The following MDM1 variants were observed in gnomAD, a reference collection of about 807,000 sequenced individuals.
MDM1 encodes the protein Mdm1 nuclear protein.
Under a neutral mutation model 89.1 loss-of-function variants are expected in MDM1, and 61 were observed. The observed-to-expected ratio is 0.68, with a 90% confidence interval of 0.56 to 0.85. The LOEUF (loss-of-function observed/expected upper bound fraction) is 0.85, where lower values mean the gene tolerates loss of function less well. Among genes scored for constraint, MDM1 ranks in the 40% least tolerant of loss-of-function variants. The pLI is 0.00. For synonymous variants in MDM1, 290 were observed against 294.1 expected, an observed-to-expected ratio of 0.99 and a Z score of 0.14; for missense variants, 820 against 846.5, an observed-to-expected ratio of 0.97 and a Z score of 0.39.
intron 13 of MDM1, among the ~76,000 whole-genome samples, chr12:68,297,576 C>T (rs79520159): frequency 1.3e-5 from 2 of 152,126 alleles, no homozygotes; most frequent in Non-Finnish European, 2.9e-5. Flanking sequence ...CAGGAAGCTG[C>T]CTAAATATGT....
chr12:68,314,575 T>C (rs897048000), intron 10 of MDM1, among the ~76,000 whole-genome samples: 1 of 152,250 alleles, frequency 6.6e-6, no homozygotes, highest in Non-Finnish European at 1.5e-5. Flanking sequence ...TAAAAAATAT[T>C]ATAAAACATT....
In MDM1 at chr12:68,295,216, T is replaced by C; in HGVS notation, c.*38A>G. 3 of 1,362,168 alleles carry C rather than the reference T, an allele frequency of 2.2e-6. 1 individual carries two copies. In the East Asian group the frequency reaches 7.0e-5, roughly 32 times the overall value. The allele number at this position is 1,362,168 out of a possible 1,614,324, so 84.4% of individuals were successfully genotyped here. On this transcript the variant is annotated 3_prime_UTR_variant, in exon 15 of 15. Coordinates refer to ENST00000682720, the MANE Select transcript of MDM1 (RefSeq NM_001354969.2). ...CACAGTAAGCAATAAAGAAAAATTATGCCAATGTTTCCTTAGATAAAGGCA... is the reference window on the plus strand; with the variant it reads ...CACAGTAAGCAATAAAGAAAAATTACGCCAATGTTTCCTTAGATAAAGGCA...
At chr12:68,311,340 A>G (rs1873654024) in intron 12 of MDM1, among the ~76,000 whole-genome samples, 1 of 151,168 alleles carries the variant, frequency 6.6e-6, no homozygotes, top group African/African-American at 2.4e-5. Flanking sequence ...TGGCCCACTC[A>G]CTCTCCCACT....
At chr12:68,329,029 T>C (rs1215902742) in intron 2 of MDM1, among the ~76,000 whole-genome samples, 1 of 152,210 alleles carries the variant, frequency 6.6e-6, no homozygotes, top group Admixed American at 6.5e-5. Flanking sequence ...AGCTGAAATG[T>C]TATTGGACAA....
chr12:68,302,857 C>T lies in MDM1; in HGVS notation c.1765G>A (p.Val589Ile). The T allele has an allele frequency of 7.5e-7, 1 of 1,329,950 alleles. No individual in the cohort carries two copies. The highest frequency in any genetic ancestry group is 1.5e-5 in the South Asian group (1 of 67,016). 82.4% of individuals were successfully genotyped at this position (1,329,950 alleles called of 1,614,324 possible). A position where few individuals can be genotyped will look rare whatever the true frequency, so the allele number is the denominator to read the frequency against. Residue 589 changes from valine (V) to isoleucine (I), a missense_variant, in exon 13 of 15, where the codon GTA (valine) becomes ATA (isoleucine). Coordinates refer to ENST00000682720, the MANE Select transcript of MDM1 (RefSeq NM_001354969.2). ...GCAGCTGGAGAAGTCAGTAGGGATA[C>T]AGCACGACTTTCTTTCTAAATGACA... ...NDFTKKESRA[V>I]SLLTSPAAGI...
At chr12:68,301,578 C>T (rs1209916898) in intron 13 of MDM1, among the ~76,000 whole-genome samples, 2 of 151,934 alleles carry the variant, frequency 1.3e-5, no homozygotes, top group Non-Finnish European at 2.9e-5. Flanking sequence ...ACTACCTGTA[C>T]CCCAAAAGCT....
At chr12:68,299,328 T>C (rs982414658) in intron 13 of MDM1, among the ~76,000 whole-genome samples, 1 of 151,478 alleles carries the variant, frequency 6.6e-6, no homozygotes, top group Non-Finnish European at 1.5e-5. Context: ...ATTCAGAAGG[T>C]TGATGATTAA....
intron 5 of MDM1, among the ~76,000 whole-genome samples, 190 bp downstream of exon 5, chr12:68,322,883 T>C (rs1374231050): frequency 6.6e-6 from 1 of 152,212 alleles, no homozygotes; most frequent in Non-Finnish European, 1.5e-5. Flanking sequence ...TTGGGGCTAT[T>C]TGCCAGCCTT....
chr12:68,313,328 A>G, intron 12 of MDM1, 115 bp downstream of exon 12: 1 of 748,062 alleles, frequency 1.3e-6, no homozygotes, highest in Non-Finnish European at 2.2e-6. Context: ...TAACAGTATC[A>G]TCTCCTCATA....
chr12:68,306,414 T>A (rs529963081), intron 12 of MDM1, among the ~76,000 whole-genome samples: 1 of 151,796 alleles, frequency 6.6e-6, no homozygotes, highest in Non-Finnish European at 1.5e-5. Context: ...AATTGACAAT[T>A]GGGACTTTTG....
At chr12:68,323,911 A>T (rs766641225) in intron 4 of MDM1, among the ~76,000 whole-genome samples, 3 of 152,186 alleles carry the variant, frequency 2.0e-5, no homozygotes, top group Non-Finnish European at 4.4e-5. Context: ...TATAACCTCA[A>T]GGACTTTACT....
intron 7 of MDM1, among the ~76,000 whole-genome samples, chr12:68,316,964 G>C (rs1333604788): frequency 1.3e-5 from 2 of 152,086 alleles, no homozygotes; most frequent in East Asian, 3.9e-4. Context: ...CCCTCACTGG[G>C]AGATGAATGA....
intron 7 of MDM1, among the ~76,000 whole-genome samples, chr12:68,320,721 T>C (rs1357028155): frequency 2.0e-5 from 3 of 152,210 alleles, no homozygotes; most frequent in Non-Finnish European, 4.4e-5. Flanking sequence ...CAAAAAAAAG[T>C]CAAGATATGA....
At chr12:68,317,628 G>C (rs1469306181) in intron 7 of MDM1, among the ~76,000 whole-genome samples, 10 of 151,954 alleles carry the variant, frequency 6.6e-5, no homozygotes, top group Admixed American at 6.6e-4. Context: ...AGGATAATTT[G>C]AAATATTTTC....
chr12:68,305,211 C>T (rs1284135662), intron 12 of MDM1, among the ~76,000 whole-genome samples: 1 of 152,108 alleles, frequency 6.6e-6, no homozygotes, highest in Admixed American at 6.6e-5. Context: ...TGATAAAGTC[C>T]AATATCCCTT....
rs1211699232 is a variant in MDM1, at chr12:68,315,241, CAA to C, written c.1234_1235del (p.Leu412AlafsTer37). On this transcript the variant is annotated frameshift_variant, in exon 10 of 15. Transcript: ENST00000682720. LOFTEE classifies it high-confidence loss of function. ...LAGDPTSHKT[L>X]QKCPSTEPEE... Reference sequence around the variant, plus strand: ...CTGGTTCTGTAGAAGGACATTTCTGCAAAGTCTTATGGCTTGTAGGATCTCTG... The same window carrying C: ...CTGGTTCTGTAGAAGGACATTTCTGCAGTCTTATGGCTTGTAGGATCTCTG... The C allele has an allele frequency of 3.1e-6, 5 of 1,613,968 alleles. No individual in the cohort carries two copies. The highest frequency in any genetic ancestry group is 4.2e-6 in the Non-Finnish European group (5 of 1,179,960).
intron 12 of MDM1, 113 bp from the exon 13 acceptor site, chr12:68,302,985 A>ACACAACG: frequency 1.7e-5 from 16 of 966,770 alleles, no homozygotes; most frequent in Middle Eastern, 3.3e-4. Flanking sequence ...GAGAAATATG[A>ACACAACG]GAGAATTTAT....
At chr12:68,320,068 C>T (rs945806127) in intron 7 of MDM1, among the ~76,000 whole-genome samples, 4 of 152,180 alleles carry the variant, frequency 2.6e-5, no homozygotes, top group African/African-American at 4.8e-5. Context: ...TAGTGTCACG[C>T]CTAAACACAA....
In MDM1 at chr12:68,316,262, G is replaced by T. The variant is rs1188443316; in HGVS notation, c.1036-9C>A. On this transcript the variant is annotated splice_polypyrimidine_tract_variant and intron_variant, in intron 8 of 14. Transcript: ENST00000682720. ...TCTCGGAGTTCTTTAACCTATTCAG[G>T]AGAGTTCAGACATCATATACTATTG... 10 of 1,609,938 alleles carry T rather than the reference G, an allele frequency of 6.2e-6. No individual in the cohort carries two copies. Among genetic ancestry groups the T allele is most frequent in the South Asian group, 2.2e-5 (2 of 90,520 alleles).
Sources: gnomAD v4.1 joint callset for allele counts (sites outside exome capture counted in the v4.1 genomes callset) on GRCh38, gnomAD v4.1.1 for gene constraint, MANE v1.5 for transcripts, NCBI Gene and HGNC (gene_info 2026-07-23, HGNC 2026-07-21) for gene names.